The following DIAPH3 variants were observed in gnomAD, a reference collection of about 807,000 sequenced individuals.
DIAPH3 encodes diaphanous related formin 3.
A neutral mutation model predicts 144.3 loss-of-function variants in DIAPH3; 117 were observed. The ratio of observed to expected loss-of-function variants is 0.81; its 90% CI spans 0.70 to 0.95. The LOEUF (loss-of-function observed/expected upper bound fraction) is 0.95, where lower values mean the gene tolerates loss of function less well. Ranked by LOEUF, DIAPH3 falls within the 40% of genes least tolerant of loss-of-function variation. The pLI, the probability that DIAPH3 is intolerant of heterozygous loss-of-function variation, is 0.00. For synonymous variants in DIAPH3, 519 were observed against 488.9 expected, an observed-to-expected ratio of 1.06 and a Z score of -0.81; for missense variants, 1,421 against 1,412.7, an observed-to-expected ratio of 1.01 and a Z score of -0.09.
intron 1 of DIAPH3, among the ~76,000 whole-genome samples, chr13:60,156,350 T>C (rs1320288648): frequency 1.3e-5 from 2 of 152,208 alleles, no homozygotes; most frequent in East Asian, 1.9e-4. Flanking sequence ...AAAGGTATTA[T>C]GTGCAAGTGT....
At chr13:59,793,172 A>G (rs2039414031) in intron 25 of DIAPH3, among the ~76,000 whole-genome samples, 2 of 152,092 alleles carry the variant, frequency 1.3e-5, no homozygotes, top group African/African-American at 4.8e-5. Context: ...CCTCCTTTCA[A>G]TCTATCACAA....
intron 25 of DIAPH3, among the ~76,000 whole-genome samples, chr13:59,801,139 T>C (rs1345691765): frequency 6.6e-6 from 1 of 152,212 alleles, no homozygotes; most frequent in African/African-American, 2.4e-5. Flanking sequence ...TCAGCACTAA[T>C]AGAATCATTA....
intron 18 of DIAPH3, among the ~76,000 whole-genome samples, chr13:59,922,862 C>A (rs1268962253): frequency 6.6e-6 from 1 of 152,072 alleles, no homozygotes; most frequent in East Asian, 1.9e-4. Flanking sequence ...AAATGTTATT[C>A]TGTTTTCTGT....
chr13:60,004,244 A>C (rs2052717937), intron 9 of DIAPH3, among the ~76,000 whole-genome samples: 1 of 152,192 alleles, frequency 6.6e-6, no homozygotes, highest in Non-Finnish European at 1.5e-5. Context: ...TAATAATGCA[A>C]TTTATTAAAA....
intron 20 of DIAPH3, among the ~76,000 whole-genome samples, chr13:59,900,974 T>G (rs942917520): frequency 6.6e-6 from 1 of 152,160 alleles, no homozygotes; most frequent in African/African-American, 2.4e-5. Context: ...AAACTCTAAT[T>G]CACTATTTTC....
intron 17 of DIAPH3, among the ~76,000 whole-genome samples, chr13:59,946,482 TA>T (rs1566555797): frequency 6.6e-6 from 1 of 152,140 alleles, no homozygotes; most frequent in African/African-American, 2.4e-5. Context: ...TTATGCTCAA[TA>T]GATAGCATAT....
At chr13:59,817,865 T>A (rs1413107677) in intron 24 of DIAPH3, among the ~76,000 whole-genome samples, 1 of 151,966 alleles carries the variant, frequency 6.6e-6, no homozygotes, top group Non-Finnish European at 1.5e-5. Flanking sequence ...TATCTCCCTT[T>A]CTCCCTTGAC....
At chr13:59,873,908 G>A (rs1205747242) in intron 21 of DIAPH3, among the ~76,000 whole-genome samples, 2 of 151,994 alleles carry the variant, frequency 1.3e-5, no homozygotes, top group Admixed American at 6.5e-5. Flanking sequence ...CTGACCTCAG[G>A]TGATAGGCCC....
chr13:60,103,868 T>A (rs931088431), intron 3 of DIAPH3, among the ~76,000 whole-genome samples: 3 of 152,222 alleles, frequency 2.0e-5, no homozygotes, highest in African/African-American at 7.2e-5. Flanking sequence ...ATTCTGTTCT[T>A]AACTACATTT....
At position 59,839,283 on chromosome 13, in the gene DIAPH3, G is replaced by C. The variant is rs1167204998; in HGVS notation, c.2862+41C>G. 2.5e-6 allele frequency: 4 copies of C among 1,608,358 alleles called. No homozygotes were observed. The African/African-American group carries it at 5.4e-5, about 22-fold the overall frequency. ...AAATATTAAATAAATTGTATCTCTA[G>C]TTGACTAGTGACTTAAGTTATTTAG... On this transcript the variant is annotated intron_variant, in intron 23 of 27. Transcript: ENST00000400324.
chr13:59,936,236 T>C (rs2048254517), intron 17 of DIAPH3, among the ~76,000 whole-genome samples: 1 of 152,168 alleles, frequency 6.6e-6, no homozygotes, highest in Non-Finnish European at 1.5e-5. Flanking sequence ...TAAAGAATGC[T>C]TCCCCTACCT....
chr13:59,793,044 T>C (rs1033169404), intron 25 of DIAPH3, among the ~76,000 whole-genome samples: 6 of 152,106 alleles, frequency 3.9e-5, no homozygotes, highest in African/African-American at 1.5e-4. Flanking sequence ...CAACCAACCA[T>C]GGCCCTTCCT....
chr13:59,867,461 C>A (rs1038210842), intron 21 of DIAPH3, among the ~76,000 whole-genome samples: 4 of 151,738 alleles, frequency 2.6e-5, no homozygotes, highest in African/African-American at 4.8e-5. Flanking sequence ...ACTTATGGCA[C>A]CCATATATAA....
chr13:59,838,756 A>C (rs1593617386), intron 23 of DIAPH3: 1 of 153,356 alleles, frequency 6.5e-6, no homozygotes, highest in East Asian at 1.9e-4. Flanking sequence ...GACAGGGAAA[A>C]GATGAGAGAA....
chr13:60,084,345 T>G (rs1182345739), intron 4 of DIAPH3, among the ~76,000 whole-genome samples: 1 of 152,066 alleles, frequency 6.6e-6, no homozygotes, highest in African/African-American at 2.4e-5. Flanking sequence ...CAAACGGTTT[T>G]TTTCTTTTCT....
At chr13:60,112,457 A>T (rs973709654) in intron 2 of DIAPH3, among the ~76,000 whole-genome samples, 2 of 152,228 alleles carry the variant, frequency 1.3e-5, no homozygotes, top group African/African-American at 4.8e-5. Context: ...GCTTCTAATG[A>T]CAGGTGACCT....
chr13:60,114,314 G>A (rs946385990), intron 2 of DIAPH3, among the ~76,000 whole-genome samples: 2 of 150,294 alleles, frequency 1.3e-5, no homozygotes, highest in African/African-American at 2.4e-5. Flanking sequence ...AGAATAGATC[G>A]GAAATGAAGA....
intron 1 of DIAPH3, among the ~76,000 whole-genome samples, chr13:60,156,552 G>A (rs1952030614): frequency 2.0e-5 from 3 of 152,038 alleles, no homozygotes; most frequent in Admixed American, 2.0e-4. Flanking sequence ...TCTGGGCTTG[G>A]TGTGGTGTCA....
chr13:59,686,883 G>A (rs1232112340), intron 27 of DIAPH3, among the ~76,000 whole-genome samples: 2 of 151,984 alleles, frequency 1.3e-5, no homozygotes, highest in African/African-American at 4.8e-5. Context: ...GAAAAACATT[G>A]CAAACACCAG....
Sources: allele counts gnomAD v4.1 joint callset (sites outside exome capture counted in the v4.1 genomes callset), GRCh38; gene constraint gnomAD v4.1.1; transcripts MANE v1.5; gene names NCBI Gene and HGNC (gene_info 2026-07-23, HGNC 2026-07-21).